The following ROBO2 variants were observed in gnomAD, a reference collection of about 807,000 sequenced individuals.
ROBO2 encodes roundabout homolog 2.
ROBO2 carries 53 observed loss-of-function variants against 160.8 expected under a neutral mutation model. That is an observed-to-expected ratio of 0.33 (90% confidence interval 0.26 to 0.41). The LOEUF (loss-of-function observed/expected upper bound fraction) is 0.41, where lower values mean the gene tolerates loss of function less well. ROBO2 is among the 10% of genes least tolerant of loss of function. ROBO2 has a pLI of 1.00. For synonymous variants in ROBO2, 664 were observed against 611.7 expected, an observed-to-expected ratio of 1.09 and a Z score of -1.26; for missense variants, 1,577 against 1,722.4, an observed-to-expected ratio of 0.92 and a Z score of 1.49.
At chr3:76,012,523 A>G (rs2107617526) in intron 2 of ROBO2, among the ~76,000 whole-genome samples, 1 of 152,216 alleles carries the variant, frequency 6.6e-6, no homozygotes, top group South Asian at 2.1e-4. Context: ...TTGATGACCT[A>G]CTGTATGCAA....
chr3:77,108,893 A>G (rs2073206813), intron 2 of ROBO2, among the ~76,000 whole-genome samples: 1 of 152,172 alleles, frequency 6.6e-6, no homozygotes. Flanking sequence ...CTTTCATGTT[A>G]TCCTAGAACC....
At chr3:76,415,591 C>T (rs1001026914) in intron 2 of ROBO2, among the ~76,000 whole-genome samples, 2 of 152,136 alleles carry the variant, frequency 1.3e-5, no homozygotes, top group Admixed American at 6.6e-5. Flanking sequence ...AAGACTAGCA[C>T]ATAGTATTTA....
intron 2 of ROBO2, among the ~76,000 whole-genome samples, chr3:76,674,273 G>C (rs2092346122): frequency 6.6e-6 from 1 of 152,008 alleles, no homozygotes; most frequent in Admixed American, 6.6e-5. Flanking sequence ...AAAATATAGA[G>C]ATATTTTGCC....
intron 23 of ROBO2, among the ~76,000 whole-genome samples, chr3:77,626,217 C>G (rs2095022019): frequency 6.6e-6 from 1 of 152,120 alleles, no homozygotes. Context: ...ATAATTTTCT[C>G]TCTCGAAACA....
chr3:76,939,560 G>T (rs1425972610), intron 2 of ROBO2, among the ~76,000 whole-genome samples: 1 of 152,066 alleles, frequency 6.6e-6, no homozygotes, highest in African/African-American at 2.4e-5. Flanking sequence ...GGAGGCTGAG[G>T]TGGGGGTCAG....
At chr3:76,522,438 A>G (rs1350979047) in intron 2 of ROBO2, among the ~76,000 whole-genome samples, 1 of 152,170 alleles carries the variant, frequency 6.6e-6, no homozygotes, top group African/African-American at 2.4e-5. Context: ...CAAAAATGAG[A>G]ATCAAGGCAG....
rs952702485 is a variant in ROBO2 at position 76,692,479 on chromosome 3, G to A, written c.110-405535G>A. ...GGATATAAGCAATTCAGCTTCTAAA[G>A]AGCATGTTTTCTATTCGTCACAAGG... On this transcript the variant is annotated intron_variant, in intron 2 of 26. Coordinates refer to the ROBO2 transcript ENST00000487694. 2.0e-5 allele frequency among the ~76,000 whole-genome samples: 3 copies of A among 152,182 alleles called. No individual in the cohort carries two copies. The East Asian group carries it at 5.8e-4, about 29-fold the overall frequency.
At chr3:76,065,418 A>G (rs951544736) in intron 2 of ROBO2, among the ~76,000 whole-genome samples, 7 of 152,200 alleles carry the variant, frequency 4.6e-5, no homozygotes, top group Non-Finnish European at 1.0e-4. Context: ...TTGTAAAGAC[A>G]ACAATCGTGT....
intron 2 of ROBO2, among the ~76,000 whole-genome samples, chr3:77,216,153 G>T (rs2084912158): frequency 1.3e-5 from 2 of 152,106 alleles, no homozygotes; most frequent in South Asian, 4.1e-4. Context: ...GCTGCCTTTT[G>T]TCTGTGCCCT....
chr3:76,202,868 CTTG>C (rs1339922807), intron 2 of ROBO2, among the ~76,000 whole-genome samples: 4 of 151,274 alleles, frequency 2.6e-5, no homozygotes, highest in African/African-American at 9.8e-5. Context: ...TACCAGTTGA[CTTG>C]TTGATCTACT....
At chr3:76,338,723 ATAT>A (rs1001750649) in intron 2 of ROBO2, among the ~76,000 whole-genome samples, 16 of 149,824 alleles carry the variant, frequency 1.1e-4, no homozygotes, top group Middle Eastern at 3.6e-3. Context: ...TTATAAATTA[ATAT>A]TATATAGAAA....
At chr3:76,436,159 A>AAAACACACACACACAC (rs1553752319) in intron 2 of ROBO2, among the ~76,000 whole-genome samples, 1 of 140,522 alleles carries the variant, frequency 7.1e-6, no homozygotes, top group Non-Finnish European at 1.5e-5. Flanking sequence ...TTAAAAGGAA[A>AAAACACACACACACAC]ACACACACAC....
chr3:76,819,032 T>C (rs2065909015), intron 2 of ROBO2, among the ~76,000 whole-genome samples: 1 of 152,114 alleles, frequency 6.6e-6, no homozygotes, highest in Admixed American at 6.6e-5. Flanking sequence ...GCATAAAGGC[T>C]TTCATTGATC....
At chr3:76,133,270 C>A (rs773956049) in intron 2 of ROBO2, among the ~76,000 whole-genome samples, 30 of 151,830 alleles carry the variant, frequency 2.0e-4, no homozygotes, top group Non-Finnish European at 3.7e-4. Context: ...GGTAAGATTT[C>A]GTTTGTTTGG....
intron 2 of ROBO2, among the ~76,000 whole-genome samples, chr3:76,954,394 G>C (rs1277653033): frequency 6.6e-6 from 1 of 152,112 alleles, no homozygotes; most frequent in Non-Finnish European, 1.5e-5. Flanking sequence ...CTTACAACAC[G>C]AGTAGTTCTC....
intron 2 of ROBO2, among the ~76,000 whole-genome samples, chr3:76,389,099 AT>A (rs2108625694): frequency 6.6e-6 from 1 of 152,368 alleles, no homozygotes; most frequent in African/African-American, 2.4e-5. Context: ...TTTTGCCTAC[AT>A]CCTGCTCAAA....
intron 2 of ROBO2, among the ~76,000 whole-genome samples, chr3:77,348,791 C>T (rs1397604531): frequency 2.0e-5 from 3 of 152,296 alleles, no homozygotes; most frequent in African/African-American, 7.2e-5. Context: ...GTGCCCACCA[C>T]AGCTCTGACC....
chr3:76,082,803 C>T (rs926381210), intron 2 of ROBO2, among the ~76,000 whole-genome samples: 5 of 152,034 alleles, frequency 3.3e-5, no homozygotes. Context: ...TTGCCATAGC[C>T]TCAGTGACCA....
At chr3:77,318,023 TATTTTATTTTATTTC>T (rs1165392417) in intron 2 of ROBO2, among the ~76,000 whole-genome samples, 15 of 151,830 alleles carry the variant, frequency 9.9e-5, no homozygotes, top group African/African-American at 3.6e-4. Flanking sequence ...GTTATTTATT[TATTTTATTTTATTTC>T]ATTTTATTTT....
Sources: allele counts gnomAD v4.1 joint callset (sites outside exome capture counted in the v4.1 genomes callset), GRCh38; gene constraint gnomAD v4.1.1; transcripts MANE v1.5; gene names NCBI Gene and HGNC (gene_info 2026-07-23, HGNC 2026-07-21).